Variants in PCDHGA12 observed in about 807,000 individuals in gnomAD.
PCDHGA12 encodes protocadherin gamma subfamily A, 12, also known as protocadherin gamma-A12.
A neutral mutation model predicts 61.1 loss-of-function variants in PCDHGA12; 43 were observed. That is an observed-to-expected ratio of 0.70 (90% CI 0.55 to 0.91). PCDHGA12 has a LOEUF of 0.91. Among genes scored for constraint, PCDHGA12 ranks in the 40% least tolerant of loss-of-function variants. The probability of loss-of-function intolerance (pLI) is 0.00; values close to 1 mark genes in which losing one functional copy is unlikely to be tolerated. For missense variants in PCDHGA12, 1,236 were observed against 1,227.7 expected (o/e 1.01, Z -0.10); for synonymous variants, 520 against 542.9 (o/e 0.96, Z 0.59).
intron 1 of PCDHGA12, chr5:141,478,917 T>A: frequency 1.3e-6 from 1 of 772,666 alleles, no homozygotes; most frequent in Middle Eastern, 3.9e-4. Flanking sequence ...TGGATACCTC[T>A]AACCAGTGGC....
rs983998465 is a variant in PCDHGA12 at position 141,494,817 on chromosome 5, C to T, written c.2435C>T (p.Pro812Leu). ...DSHGLIEQAP[P>L]NTDWRFSQAQ... ...CTGTTTTCTCCACAGCAAGCCCCGC[C>T]CAACACGGACTGGCGTTTCTCTCAG... The change falls in exon 2 of 4, where the codon CCC becomes CTC. Residue 812 changes from proline to leucine, a missense_variant. Transcript: ENST00000252085. 1.2e-6 allele frequency: 2 copies of T among 1,614,016 alleles called. No individual in the cohort carries two copies. Among genetic ancestry groups the T allele is most frequent in the Non-Finnish European group, 1.7e-6 (2 of 1,180,026 alleles).
rs766412276 is a variant in PCDHGA12, at chr5:141,430,918, G to T, written c.159G>T (p.Gly53=). ...TGGGCGACATCTCCAGGGACCTGGG[G>T]CTGGAGCCCCGGGAGCTCGCGGAGC... The part of the protein sequence containing the change: ...SRVGDISRDL[G]LEPRELAERG... The change falls in exon 1 of 4, where the codon GGG becomes GGT. Residue 53 remains glycine, a synonymous_variant. Coordinates refer to ENST00000252085, the MANE Select transcript of PCDHGA12 (RefSeq NM_003735.3). The T allele has an allele frequency of 1.2e-6, 2 of 1,607,866 alleles. No homozygotes were observed. The highest frequency in any genetic ancestry group is 2.2e-5 in the South Asian group (2 of 90,066).
intron 2 of PCDHGA12, among the ~76,000 whole-genome samples, chr5:141,503,222 G>A (rs540244346): frequency 2.2e-4 from 34 of 152,120 alleles, no homozygotes; most frequent in African/African-American, 7.7e-4. Context: ...CATGAGCACC[G>A]TAAAGATGGA....
At chr5:141,479,590 A>T (rs2099500448) in intron 1 of PCDHGA12, 1 of 152,182 alleles carries the variant, frequency 6.6e-6, no homozygotes, top group Non-Finnish European at 1.5e-5. Context: ...TAGCCACTGC[A>T]CTCCAGCCTA....
chr5:141,432,288 A>C lies in PCDHGA12; in HGVS notation c.1529A>C (p.Asp510Ala). ...TCGTCCTACGTGTCCATCAACTCCG[A>C]CACTGGGGTACTGTATGCGCTGAGC... ...SLSSYVSINS[D>A]TGVLYALSSF... is the part of the protein sequence containing the mutation. The change falls in exon 1 of 4, where the codon GAC becomes GCC. Residue 510 changes from aspartate to alanine, a missense_variant. Physicochemically the swap from Asp to Ala is moderately radical, Grantham distance 126. Coordinates refer to ENST00000252085, the MANE Select transcript of PCDHGA12 (RefSeq NM_003735.3). This position sits in a 1 kb window ranked among gnomAD's most constrained non-coding sequence, Gnocchi z 6.0. 1 of 1,614,192 alleles carries C rather than the reference A, an allele frequency of 6.2e-7. No individual in the cohort carries two copies. Among genetic ancestry groups the C allele is most frequent in the Non-Finnish European group, 8.5e-7 (1 of 1,180,018 alleles).
chr5:141,505,155 C>T (rs2099844224), intron 2 of PCDHGA12, among the ~76,000 whole-genome samples: 1 of 152,162 alleles, frequency 6.6e-6, no homozygotes, highest in Non-Finnish European at 1.5e-5. Context: ...GAGTAAGACC[C>T]TGTCTAAAAC....
rs1561869085 is a variant in PCDHGA12, at chr5:141,433,357, GCCTA to G, written c.2424+175_2424+178del. On this transcript the variant is annotated intron_variant, in intron 1 of 3. Transcript: ENST00000252085. ...TACAGGTGCAAGCCACCTACTGTCT[GCCTA>G]TCTATCTATCTATCTATCTATCTAT... is the stretch of plus-strand genomic sequence containing the variant. 3 of 568,974 alleles carry G rather than the reference GCCTA, an allele frequency of 5.3e-6. No homozygotes were observed. In the African/African-American group the frequency reaches 6.4e-5, roughly 12 times the overall value. The allele number at this position is 568,974 out of a possible 1,614,324, so 35.2% of individuals were successfully genotyped here.
chr5:141,499,763 T>C (rs2099794343), intron 2 of PCDHGA12, among the ~76,000 whole-genome samples: 1 of 148,434 alleles, frequency 6.7e-6, no homozygotes, highest in African/African-American at 2.5e-5. Flanking sequence ...CTCAGCTCAC[T>C]GCAGCCTTCG....
Position 141,430,959 on chromosome 5 carries a change from T to A in PCDHGA12, c.200T>A (p.Ile67Asn). 6.2e-7 allele frequency: 1 copy of A among 1,612,026 alleles called. No homozygotes were observed. The highest frequency in any genetic ancestry group is 8.5e-7 in the Non-Finnish European group (1 of 1,179,194). The change falls in exon 1 of 4, where the codon ATC (isoleucine) becomes AAC (asparagine). Residue 67 changes from isoleucine to asparagine, a missense_variant. Transcript: ENST00000252085. ...CTCGCGGAGCGCGGAGTCCGCATCATCCCCAGAGGTAGGACGCAGCTTTTC... is the reference window on the plus strand; with the variant it reads ...CTCGCGGAGCGCGGAGTCCGCATCAACCCCAGAGGTAGGACGCAGCTTTTC... ...RELAERGVRI[I>N]PRGRTQLFAL...
intron 1 of PCDHGA12, among the ~76,000 whole-genome samples, chr5:141,471,163 G>GC (rs202115056): frequency 0.11 from 16,237 of 150,562 alleles, 892 homozygotes; most frequent in South Asian, 0.15. Context: ...GATTCTCCTG[G>GC]CTCAGCCTCC....
chr5:141,479,606 T>TA (rs1315315740), intron 1 of PCDHGA12: 1 of 152,184 alleles, frequency 6.6e-6, no homozygotes, highest in Non-Finnish European at 1.5e-5. Context: ...GCCTAGGCAA[T>TA]ATAGGGAAAC....
chr5:141,505,960 G>A (rs2099849410), intron 3 of PCDHGA12, among the ~76,000 whole-genome samples: 1 of 152,202 alleles, frequency 6.6e-6, no homozygotes, highest in Non-Finnish European at 1.5e-5. Context: ...AGTGGGTGTA[G>A]AAATCCCCAG....
rs2097322701 is a variant in PCDHGA12 at position 141,430,904 on chromosome 5, T to C, written c.145T>C (p.Ser49Pro). Residue 49 changes from serine to proline, a missense_variant, in exon 1 of 4, where the codon TCC becomes CCC. Physicochemically the swap from Ser to Pro is moderately conservative, Grantham distance 74. Transcript: ENST00000252085. ...GAAAGGCTCTAGGGTGGGCGACATC[T>C]CCAGGGACCTGGGGCTGGAGCCCCG... ...LEKGSRVGDI[S>P]RDLGLEPREL... is the part of the protein sequence containing the mutation. 3.1e-6 allele frequency: 5 copies of C among 1,606,730 alleles called. No individual in the cohort carries two copies. Among genetic ancestry groups the C allele is most frequent in the Middle Eastern group, 1.7e-4 (1 of 6,002 alleles).
intron 1 of PCDHGA12, among the ~76,000 whole-genome samples, chr5:141,481,184 C>A (rs2099533291): frequency 6.6e-6 from 1 of 152,146 alleles, no homozygotes; most frequent in African/African-American, 2.4e-5. Flanking sequence ...CTTTATTGGG[C>A]CAGGCCCAAT....
In PCDHGA12 at chr5:141,485,441, A is replaced by G. The variant is rs1562105312; in HGVS notation, c.2425-9366A>G. ...CGGAGCCCTGCTCATCAAGAACCCA[A>G]TCGACCGAGAGGCACTGTGTGGGCT... On this transcript the variant is annotated intron_variant, in intron 1 of 3. Transcript: ENST00000252085. The surrounding 1 kb of genome is among the most constrained non-coding windows in gnomAD (Gnocchi z 5.7). 3 of 1,613,910 alleles carry G rather than the reference A, an allele frequency of 1.9e-6. No homozygotes were observed. Among genetic ancestry groups the G allele is most frequent in the South Asian group, 1.1e-5 (1 of 91,062 alleles).
chr5:141,439,226 G>A (rs1337835258), intron 1 of PCDHGA12, among the ~76,000 whole-genome samples: 1 of 151,442 alleles, frequency 6.6e-6, no homozygotes, highest in African/African-American at 2.4e-5. Flanking sequence ...AAAATTCTTA[G>A]AAGCTTCCTA....
rs777247531 is a variant in PCDHGA12 at position 141,476,417 on chromosome 5, C to T, written c.2425-18390C>T. 3 of 1,614,112 alleles carry T rather than the reference C, an allele frequency of 1.9e-6. No homozygotes were observed. Among genetic ancestry groups the T allele is most frequent in the Admixed American group, 1.7e-5 (1 of 60,018 alleles). The stretch of plus-strand genomic sequence containing the variant: ...GGATCGAGAGGAGCTGTGTGGGACA[C>T]TGCCCTCTTGCACTGTAACTCTGGA... On this transcript the variant is annotated intron_variant, in intron 1 of 3. Coordinates refer to ENST00000252085, the MANE Select transcript of PCDHGA12 (RefSeq NM_003735.3). The surrounding 1 kb of genome is among the most constrained non-coding windows in gnomAD (Gnocchi z 7.6).
At chr5:141,450,006 CTT>C (rs1554136305) in intron 1 of PCDHGA12, among the ~76,000 whole-genome samples, 13 of 132,938 alleles carry the variant, frequency 9.8e-5, no homozygotes, top group Non-Finnish European at 7.9e-5. Flanking sequence ...TGCCATGTCT[CTT>C]TTTTTTTTTT....
rs1386737349 is a variant in PCDHGA12 at position 141,486,423 on chromosome 5, C to T, written c.2425-8384C>T. The T allele has an allele frequency of 6.2e-7, 1 of 1,614,042 alleles. No individual in the cohort carries two copies. The highest frequency in any genetic ancestry group is 8.5e-7 in the Non-Finnish European group (1 of 1,180,030). ...ACTGCTGGACCCTTGGATCGAGAGG[C>T]CAAATCTAGCTATGACATCATGGTC... is the stretch of plus-strand genomic sequence containing the variant. On this transcript the variant is annotated intron_variant, in intron 1 of 3. Transcript: ENST00000252085. The surrounding 1 kb of genome is among the most constrained non-coding windows in gnomAD (Gnocchi z 5.0).
Sources: gnomAD v4.1 joint callset for allele counts (sites outside exome capture counted in the v4.1 genomes callset) on GRCh38, gnomAD v4.1.1 for gene constraint, Gnocchi (gnomAD v3.1) non-coding constraint, MANE v1.5 for transcripts, NCBI Gene and HGNC (gene_info 2026-07-23, HGNC 2026-07-21) for gene names.